TJP1: variants seen among roughly 807,000 people sequenced by gnomAD.
TJP1 encodes the protein tight junction protein 1.
A neutral mutation model predicts 194.2 loss-of-function variants in TJP1; 43 were observed. That is an observed-to-expected ratio of 0.22 (90% CI 0.17 to 0.29). The LOEUF (loss-of-function observed/expected upper bound fraction) is 0.29. Ranked by LOEUF, TJP1 falls within the 10% of genes least tolerant of loss-of-function variation. The probability of loss-of-function intolerance (pLI) is 1.00; values close to 1 mark genes in which losing one functional copy is unlikely to be tolerated. For missense variants in TJP1, 1,971 were observed against 2,185.7 expected, an observed-to-expected ratio of 0.90 and a Z score of 1.96; for synonymous variants, 801 against 779.0, an observed-to-expected ratio of 1.03 and a Z score of -0.47.
At chr15:29,762,820 G>A (rs946262873) in intron 5 of TJP1, among the ~76,000 whole-genome samples, 3 of 152,148 alleles carry the variant, frequency 2.0e-5, no homozygotes, top group African/African-American at 7.2e-5. Flanking sequence ...GGCTGGACTT[G>A]AATTCCTGGG....
At chr15:29,930,711 T>A (rs2054678954) in intron 2 of TJP1, among the ~76,000 whole-genome samples, 1 of 150,226 alleles carries the variant, frequency 6.7e-6, no homozygotes, top group Admixed American at 6.7e-5. Context: ...CATTCAATAC[T>A]GTGCTGAAGT....
chr15:29,820,527 C>G (rs548663645), intron 1 of TJP1: 15 of 716,846 alleles, frequency 2.1e-5, no homozygotes, highest in African/African-American at 3.5e-5. Context: ...CTCCTCCTAC[C>G]TTACTGTGGC....
At chr15:29,713,931 CAA>C (rs996082274) in intron 23 of TJP1, among the ~76,000 whole-genome samples, 34 of 152,166 alleles carry the variant, frequency 2.2e-4, no homozygotes, top group African/African-American at 7.7e-4. Flanking sequence ...AGTAAATTCA[CAA>C]AGACAGATGT....
At chr15:29,790,138 G>A (rs1032703186) in intron 2 of TJP1, among the ~76,000 whole-genome samples, 1 of 152,182 alleles carries the variant, frequency 6.6e-6, no homozygotes, top group Admixed American at 6.5e-5. Context: ...CTGCAGGGTT[G>A]AGTAGTTTTG....
At chr15:29,796,217 A>AAAAGG (rs2048390979) in intron 2 of TJP1, among the ~76,000 whole-genome samples, 1 of 152,062 alleles carries the variant, frequency 6.6e-6, no homozygotes, top group African/African-American at 2.4e-5. Flanking sequence ...AAGAGCATTC[A>AAAAGG]AAAGGAGGGA....
At chr15:29,905,583 T>A (rs1341728281) in intron 2 of TJP1, among the ~76,000 whole-genome samples, 1 of 152,216 alleles carries the variant, frequency 6.6e-6, no homozygotes, top group Non-Finnish European at 1.5e-5. Flanking sequence ...GCTTTAATCA[T>A]AATTGCCAAA....
chr15:29,784,363 G>C (rs2047565118), intron 2 of TJP1, among the ~76,000 whole-genome samples: 1 of 152,010 alleles, frequency 6.6e-6, no homozygotes, highest in Admixed American at 6.6e-5. Context: ...GCAATGGCTT[G>C]ATCTCGGCTC....
At chr15:29,957,981 C>T (rs2056010082) in intron 1 of TJP1, among the ~76,000 whole-genome samples, 1 of 152,176 alleles carries the variant, frequency 6.6e-6, no homozygotes, top group African/African-American at 2.4e-5. Context: ...GTCTGTTGAA[C>T]TGCTGATTCT....
intron 2 of TJP1, among the ~76,000 whole-genome samples, chr15:29,933,772 G>T (rs1455583717): frequency 6.6e-6 from 1 of 152,162 alleles, no homozygotes; most frequent in Non-Finnish European, 1.5e-5. Context: ...TGGGAAGAGA[G>T]AAGTAAACAA....
In TJP1 at chr15:29,718,935, C is replaced by T; in HGVS notation, c.3207G>A (p.Gln1069=). Residue 1069 remains glutamine, a synonymous_variant, in exon 21 of 28, where the codon CAG becomes CAA. Transcript: ENST00000614355. ...GACGATGTTCATAGTTTCGAGAAAA[C>T]TGGTCCGTATAGCTTGAGGACTCGT... ...YRYESSSYTD[Q]FSRNYEHRLR... The T allele has an allele frequency of 6.2e-7, 1 of 1,614,156 alleles. No individual in the cohort carries two copies. The highest frequency in any genetic ancestry group is 8.5e-7 in the Non-Finnish European group (1 of 1,180,034).
chr15:29,859,634 C>G (rs1310561541), intron 2 of TJP1, among the ~76,000 whole-genome samples: 1 of 152,136 alleles, frequency 6.6e-6, no homozygotes, highest in Non-Finnish European at 1.5e-5. Context: ...TGGAGGTAAT[C>G]TGGGTTGGGG....
At chr15:29,829,231 C>T (rs981109433) in intron 2 of TJP1, among the ~76,000 whole-genome samples, 9 of 152,268 alleles carry the variant, frequency 5.9e-5, no homozygotes, top group South Asian at 2.1e-4. Context: ...AAACGATTAA[C>T]GTGGGTACAG....
At chr15:29,883,328 C>T (rs923965485) in intron 2 of TJP1, among the ~76,000 whole-genome samples, 15 of 152,180 alleles carry the variant, frequency 9.9e-5, no homozygotes, top group Admixed American at 2.0e-4. Context: ...TTGTTGACTG[C>T]GTTGGGTGAA....
chr15:29,949,519 C>T (rs2055498013), intron 2 of TJP1, among the ~76,000 whole-genome samples: 1 of 142,642 alleles, frequency 7.0e-6, no homozygotes, highest in Non-Finnish European at 1.5e-5. Flanking sequence ...CCTCCACCTC[C>T]ACCACCACCA....
At chr15:29,936,031 C>T (rs2054869887) in intron 2 of TJP1, among the ~76,000 whole-genome samples, 1 of 152,106 alleles carries the variant, frequency 6.6e-6, no homozygotes, top group African/African-American at 2.4e-5. Context: ...CTCCCTCTTC[C>T]TCAACTGGCA....
At chr15:29,728,053 A>C in intron 15 of TJP1, 34 bp from the exon 16 acceptor site, 1 of 1,568,772 alleles carries the variant, frequency 6.4e-7, no homozygotes, top group Non-Finnish European at 8.8e-7. Flanking sequence ...ATAAGACATC[A>C]AATTTTCACT....
rs563177115 is a variant in TJP1, at chr15:29,725,605, T to C, written c.2412+774A>G. 1.1e-4 allele frequency among the ~76,000 whole-genome samples: 16 copies of C among 151,802 alleles called. No individual in the cohort carries two copies. The South Asian group carries it at 3.3e-3, about 32-fold the overall frequency. ...AAAAAAAAAGCTTCCCTCAATGGTG[T>C]ATTCTGAGGAAATGATTAACTCTCC... On this transcript the variant is annotated intron_variant, in intron 18 of 27. Coordinates refer to ENST00000614355, the MANE Select transcript of TJP1 (RefSeq NM_001330239.4).
intron 2 of TJP1, among the ~76,000 whole-genome samples, chr15:29,915,713 C>A (rs1371912193): frequency 1.3e-5 from 2 of 152,140 alleles, no homozygotes; most frequent in Admixed American, 1.3e-4. Context: ...TGTTTGTCAT[C>A]AATTATATTC....
chr15:29,731,856 T>G (rs2043686339), intron 15 of TJP1, among the ~76,000 whole-genome samples: 3 of 152,198 alleles, frequency 2.0e-5, no homozygotes, highest in African/African-American at 7.2e-5. Flanking sequence ...AAAACGTATT[T>G]GGCATACAAA....
Sources: gnomAD v4.1 joint callset for allele counts (sites outside exome capture counted in the v4.1 genomes callset) on GRCh38, gnomAD v4.1.1 for gene constraint, MANE v1.5 for transcripts, NCBI Gene and HGNC (gene_info 2026-07-23, HGNC 2026-07-21) for gene names.